Variants in CRYL1 observed in about 807,000 individuals in gnomAD.
The protein encoded by CRYL1 is crystallin lambda 1.
A neutral mutation model predicts 36.6 loss-of-function variants in CRYL1; 29 were observed. The ratio of observed to expected loss-of-function variants is 0.79; its 90% CI spans 0.59 to 1.08. The LOEUF (loss-of-function observed/expected upper bound fraction) is 1.08. Ranked by LOEUF, CRYL1 falls within the 50% of genes least tolerant of loss-of-function variation. The pLI is 0.00. For missense variants in CRYL1, 411 were observed against 407.9 expected (o/e 1.01, Z -0.06); for synonymous variants, 152 against 151.5 (o/e 1.00, Z -0.02).
In CRYL1 at chr13:20,425,887, G is replaced by A. The variant is rs933822446; in HGVS notation, c.633+6215C>T. Among the ~76,000 whole-genome samples, 2 of 152,024 alleles carry A rather than the reference G, an allele frequency of 1.3e-5. No individual in the cohort carries two copies. The highest frequency in any genetic ancestry group is 1.5e-5 in the Non-Finnish European group (1 of 68,010). On this transcript the variant is annotated intron_variant, in intron 5 of 7. Coordinates refer to ENST00000298248, the MANE Select transcript of CRYL1 (RefSeq NM_015974.3). The surrounding 1 kb of genome is among the most constrained non-coding windows in gnomAD (Gnocchi z 4.4). ...TACACAGAGGCCCCACTGTACAGTC[G>A]GCAGGCAGGATACACCCAAGCACAG...
intron 5 of CRYL1, chr13:20,430,979 T>C (rs2032045738): frequency 3.0e-6 from 3 of 985,332 alleles, no homozygotes; most frequent in Non-Finnish European, 3.6e-6. Flanking sequence ...GCACTGTTTC[T>C]TGAAAATACA....
At chr13:20,429,062 C>A (rs543693304) in intron 5 of CRYL1, among the ~76,000 whole-genome samples, 39 of 152,156 alleles carry the variant, frequency 2.6e-4, no homozygotes, top group Admixed American at 9.2e-4. Flanking sequence ...AGTTGCCCCC[C>A]GACCAATGCT....
At chr13:20,483,983 A>T (rs1309585719) in intron 3 of CRYL1, among the ~76,000 whole-genome samples, 2 of 152,050 alleles carry the variant, frequency 1.3e-5, no homozygotes, top group Non-Finnish European at 2.9e-5. Flanking sequence ...CACCTGGCTA[A>T]TTTTTTGTAT....
chr13:20,427,061 G>A, intron 5 of CRYL1: 1 of 985,472 alleles, frequency 1.0e-6, no homozygotes, highest in Non-Finnish European at 1.2e-6. Context: ...GCCCTCATGG[G>A]AAAGAATTTA....
chr13:20,515,439 G>C (rs1178941365), intron 1 of CRYL1, among the ~76,000 whole-genome samples: 1 of 152,056 alleles, frequency 6.6e-6, no homozygotes, highest in Non-Finnish European at 1.5e-5. Flanking sequence ...AGTGGATGGA[G>C]CCAGTAAATA....
At chr13:20,411,068 C>G (rs2031511194) in intron 6 of CRYL1, among the ~76,000 whole-genome samples, 1 of 152,178 alleles carries the variant, frequency 6.6e-6, no homozygotes, top group Admixed American at 6.5e-5. Context: ...GGTAGCTTTT[C>G]AGGCTAATAA....
chr13:20,460,630 A>G (rs1324887557), intron 3 of CRYL1, among the ~76,000 whole-genome samples: 2 of 139,068 alleles, frequency 1.4e-5, no homozygotes, highest in African/African-American at 2.7e-5. Flanking sequence ...GGTTCACGCC[A>G]TTCTCCTGCC....
intron 3 of CRYL1, among the ~76,000 whole-genome samples, chr13:20,484,131 AT>A (rs201543442): frequency 2.0e-5 from 3 of 152,112 alleles, no homozygotes; most frequent in African/African-American, 2.4e-5. Context: ...ACAGCAATTA[AT>A]TTTTTTTAAA....
intron 3 of CRYL1, among the ~76,000 whole-genome samples, chr13:20,449,193 A>G (rs1464453042): frequency 1.3e-5 from 2 of 152,188 alleles, no homozygotes; most frequent in African/African-American, 4.8e-5. Context: ...AAGGTAAAAT[A>G]AATGTTTTCC....
At chr13:20,457,853 A>G (rs1223466266) in intron 3 of CRYL1, among the ~76,000 whole-genome samples, 1 of 152,182 alleles carries the variant, frequency 6.6e-6, no homozygotes, top group African/African-American at 2.4e-5. Flanking sequence ...CACGGTTATT[A>G]TCTTCATTTC....
rs114256106 is a variant in CRYL1, at chr13:20,415,044, G to A, written c.634-1657C>T. Among the ~76,000 whole-genome samples the A allele has an allele frequency of 6.6e-6, 1 of 152,006 alleles. No homozygotes were observed. The highest frequency in any genetic ancestry group is 1.5e-5 in the Non-Finnish European group (1 of 67,966). On this transcript the variant is annotated intron_variant, in intron 5 of 7. Transcript: ENST00000298248. The surrounding 1 kb of genome is among the most constrained non-coding windows in gnomAD (Gnocchi z 4.1). Reference sequence around the variant, plus strand: ...AGAGCCCGACCGTGGACGATGCGTCGCGCCCTTCCCATCGCGGCCTGGGCG... The same window carrying A: ...AGAGCCCGACCGTGGACGATGCGTCACGCCCTTCCCATCGCGGCCTGGGCG...
chr13:20,510,663 A>G (rs886465739), intron 2 of CRYL1, among the ~76,000 whole-genome samples: 25 of 145,644 alleles, frequency 1.7e-4, no homozygotes, highest in Admixed American at 3.5e-4. Flanking sequence ...CCCAAGCTGG[A>G]GTGCAATGGT....
At chr13:20,521,127 AAAG>A (rs2034087770) in intron 1 of CRYL1, among the ~76,000 whole-genome samples, 51 of 29,958 alleles carry the variant, frequency 1.7e-3, no homozygotes, top group Non-Finnish European at 0.012. Context: ...AAAAAAAAGG[AAAG>A]AAAGAAAGAA....
At chr13:20,482,739 C>CTGTGTGTGTGTG (rs148128861) in intron 3 of CRYL1, among the ~76,000 whole-genome samples, 2 of 150,814 alleles carry the variant, frequency 1.3e-5, no homozygotes, top group African/African-American at 4.9e-5. Context: ...GGCAAGCAGT[C>CTGTGTGTGTGTG]TGTGTGTGTG....
chr13:20,431,659 T>C (rs1422081045), intron 5 of CRYL1: 2 of 1,097,464 alleles, frequency 1.8e-6, no homozygotes, highest in Middle Eastern at 4.3e-4. Context: ...AACAAGTCTA[T>C]TCATCACTTC....
chr13:20,423,770 C>CTTTTT (rs1158080893), intron 5 of CRYL1, among the ~76,000 whole-genome samples: 1 of 100,156 alleles, frequency 1.0e-5, no homozygotes, highest in Non-Finnish European at 2.0e-5. Flanking sequence ...GGTGTGGGTT[C>CTTTTT]TTTTTTTTTT....
chr13:20,435,829 A>C lies in CRYL1; in HGVS notation c.439-3533T>G, dbSNP rs2137396902. On this transcript the variant is annotated intron_variant, in intron 4 of 7. Coordinates refer to ENST00000298248, the MANE Select transcript of CRYL1 (RefSeq NM_015974.3). The surrounding 1 kb of genome is among the most constrained non-coding windows in gnomAD (Gnocchi z 4.0). ...TTCACCCCCGCTCCGGGAGCAACCA[A>C]AACGGCGAGGCCCACAGGGCCGACA... Among the ~76,000 whole-genome samples, 1 of 152,006 alleles carries C rather than the reference A, an allele frequency of 6.6e-6. No individual in the cohort carries two copies. Among genetic ancestry groups the C allele is most frequent in the South Asian group, 2.1e-4 (1 of 4,818 alleles).
chr13:20,440,597 T>A lies in CRYL1; in HGVS notation c.277-843A>T, dbSNP rs138303782. Among the ~76,000 whole-genome samples the A allele has an allele frequency of 3.0e-3, 463 of 152,282 alleles. 1 individual carries two copies. The highest frequency in any genetic ancestry group is 0.011 in the African/African-American group (440 of 41,546). ...ACACAACAGCACCCCAGGCAAACTG[T>A]TAAAAACATCGGTAGCTATCATCAA... On this transcript the variant is annotated intron_variant, in intron 3 of 7. Coordinates refer to ENST00000298248, the MANE Select transcript of CRYL1 (RefSeq NM_015974.3).
chr13:20,483,891 A>G (rs544510828), intron 3 of CRYL1, among the ~76,000 whole-genome samples: 4 of 152,222 alleles, frequency 2.6e-5, no homozygotes, highest in East Asian at 3.9e-4. Context: ...ATCTTGGCTC[A>G]CTGCAACCTC....
Sources: gnomAD v4.1 joint callset for allele counts (sites outside exome capture counted in the v4.1 genomes callset) on GRCh38, gnomAD v4.1.1 for gene constraint, Gnocchi (gnomAD v3.1) non-coding constraint, MANE v1.5 for transcripts, NCBI Gene and HGNC (gene_info 2026-07-23, HGNC 2026-07-21) for gene names.